DDI2: variants seen among roughly 807,000 people sequenced by gnomAD.
DDI2 encodes the protein DDI proteasomal shuttling factor 2.
DDI2 carries 5 observed loss-of-function variants against 48.1 expected under a neutral mutation model. The ratio of observed to expected loss-of-function variants is 0.10; its 90% CI spans 0.05 to 0.22. The LOEUF (loss-of-function observed/expected upper bound fraction) is 0.22, where lower values mean the gene tolerates loss of function less well. Ranked by LOEUF, DDI2 falls within the 10% of genes least tolerant of loss-of-function variation. DDI2 has a pLI of 1.00. For synonymous variants in DDI2, 205 were observed against 183.6 expected (o/e 1.12, Z -0.94); for missense variants, 285 against 506.2 (o/e 0.56, Z 4.19).
intron 1 of DDI2, among the ~76,000 whole-genome samples, chr1:15,619,685 T>G (rs976998221): frequency 3.6e-4 from 54 of 150,318 alleles, no homozygotes; most frequent in African/African-American, 1.3e-3. Flanking sequence ...ATGGTCTCGA[T>G]CTCCTGACCT....
In DDI2 at chr1:15,665,632, T is replaced by C. The variant is rs986354658; in HGVS notation, c.*5842T>C. ...ATATACATATGGTGATTGACAAGTA[T>C]AGTTAATTTTATATGGATTTAAAAG... On this transcript the variant is annotated 3_prime_UTR_variant, in exon 10 of 10. Transcript: ENST00000480945. The C allele has an allele frequency of 1.7e-4, 26 of 152,314 alleles. No homozygotes were observed. The highest frequency in any genetic ancestry group is 6.3e-4 in the African/African-American group (26 of 41,564). The allele number at this position is 152,314 out of a possible 1,614,324, so 9.4% of individuals were successfully genotyped here.
At position 15,638,388 on chromosome 1, in the gene DDI2, T is replaced by C; in HGVS notation, c.714T>C (p.Ile238=). Residue 238 remains isoleucine, a synonymous_variant, in exon 5 of 10, where the codon ATT becomes ATC. Coordinates refer to ENST00000480945, the MANE Select transcript of DDI2 (RefSeq NM_032341.5). The part of the protein sequence containing the change: ...ESFGQVVMLY[I]NCKVNGHPVK... Reference sequence around the variant, plus strand: ...TTGGCCAAGTAGTGATGCTTTATATTAACTGCAAAGTGAATGGACATCCTG... The same window carrying C: ...TTGGCCAAGTAGTGATGCTTTATATCAACTGCAAAGTGAATGGACATCCTG... 1.2e-6 allele frequency: 2 copies of C among 1,614,046 alleles called. No individual in the cohort carries two copies. The highest frequency in any genetic ancestry group is 1.7e-6 in the Non-Finnish European group (2 of 1,179,964).
intron 4 of DDI2, among the ~76,000 whole-genome samples, chr1:15,635,667 A>AGGGCTGGGATTACAC (rs1639917313): frequency 6.6e-6 from 1 of 152,058 alleles, no homozygotes; most frequent in Non-Finnish European, 1.5e-5. Context: ...ATCCTCCCAA[A>AGGGCTGGGATTACAC]GGGCTGGGAT....
At chr1:15,631,065 G>A (rs12081650) in intron 3 of DDI2, among the ~76,000 whole-genome samples, 4,777 of 152,190 alleles carry the variant, frequency 0.031, 251 homozygotes, top group African/African-American at 0.11. Flanking sequence ...GGATGGTCTC[G>A]ATCTCCTGAC....
chr1:15,620,913 T>C (rs1253731239), intron 1 of DDI2, among the ~76,000 whole-genome samples: 1 of 152,256 alleles, frequency 6.6e-6, no homozygotes, highest in East Asian at 1.9e-4. Context: ...TTGTCTTGCA[T>C]GGCTGCCCTA....
chr1:15,629,379 T>C (rs996415743), intron 2 of DDI2, among the ~76,000 whole-genome samples: 2 of 152,234 alleles, frequency 1.3e-5, no homozygotes, highest in South Asian at 4.1e-4. Flanking sequence ...GTGGATCACC[T>C]GAGGTCAGGA....
chr1:15,630,687 G>A, intron 3 of DDI2, 126 bp downstream of exon 3: 1 of 700,516 alleles, frequency 1.4e-6, no homozygotes, highest in Non-Finnish European at 2.5e-6. Context: ...TTTTTTCTCT[G>A]TGAGAGGTAA....
At chr1:15,658,533 C>T (rs557986015) in intron 9 of DDI2, among the ~76,000 whole-genome samples, 7 of 150,960 alleles carry the variant, frequency 4.6e-5, no homozygotes, top group African/African-American at 9.7e-5. Context: ...GAGGCTGAGG[C>T]GGGCGGATCA....
At chr1:15,619,805 A>G (rs1639629188) in intron 1 of DDI2, among the ~76,000 whole-genome samples, 1 of 152,106 alleles carries the variant, frequency 6.6e-6, no homozygotes. Flanking sequence ...CCTGGTTATG[A>G]TCACCGGCTG....
chr1:15,660,452 A>T lies in DDI2; in HGVS notation c.*662A>T, dbSNP rs367863636. On this transcript the variant is annotated 3_prime_UTR_variant, in exon 10 of 10. Transcript: ENST00000480945. Reference sequence around the variant, plus strand: ...CAAGAATATCTTTGTAACATAGGGGACCTTGAGCTTCCTGAAGAAAGGCAA... The same window carrying T: ...CAAGAATATCTTTGTAACATAGGGGTCCTTGAGCTTCCTGAAGAAAGGCAA... 1.9e-6 allele frequency: 3 copies of T among 1,614,016 alleles called. No individual in the cohort carries two copies. In the African/African-American group the frequency reaches 4.0e-5, roughly 22 times the overall value.
At chr1:15,635,504 C>CA (rs1639914252) in intron 4 of DDI2, among the ~76,000 whole-genome samples, 1 of 152,182 alleles carries the variant, frequency 6.6e-6, no homozygotes, top group Non-Finnish European at 1.5e-5. Context: ...CTCCCAAGTT[C>CA]AAGCGATTCT....
At position 15,665,324 on chromosome 1, in the gene DDI2, G is replaced by C. The variant is rs890534357; in HGVS notation, c.*5534G>C. ...AAAGGAAGCTGGAGAGATGGCGAGT[G>C]CATGTGTTAAAACTCTTCTGCCTTG... On this transcript the variant is annotated 3_prime_UTR_variant, in exon 10 of 10. Transcript: ENST00000480945. 1 of 151,692 alleles carries C rather than the reference G, an allele frequency of 6.6e-6. No homozygotes were observed. Among genetic ancestry groups the C allele is most frequent in the Non-Finnish European group, 1.5e-5 (1 of 68,244 alleles). 9.4% of individuals were successfully genotyped at this position (151,692 alleles called of 1,614,324 possible).
Position 15,661,961 on chromosome 1 carries a change from T to G in DDI2, c.*2171T>G. 4.3e-6 allele frequency: 2 copies of G among 465,522 alleles called. No homozygotes were observed. Among genetic ancestry groups the G allele is most frequent in the Non-Finnish European group, 7.2e-6 (2 of 276,458 alleles). The allele number at this position is 465,522 out of a possible 1,614,324, so 28.8% of individuals were successfully genotyped here. On this transcript the variant is annotated 3_prime_UTR_variant, in exon 10 of 10. Transcript: ENST00000480945. Reference sequence around the variant, plus strand: ...TAGGCCTTTTTAAATGTATTGGCAGTATGTGCATACAGAAGCTTTTTATTC... The same window carrying G: ...TAGGCCTTTTTAAATGTATTGGCAGGATGTGCATACAGAAGCTTTTTATTC...
chr1:15,638,201 G>A, intron 4 of DDI2, 106 bp from the exon 5 acceptor site: 1 of 1,529,424 alleles, frequency 6.5e-7, no homozygotes, highest in Admixed American at 1.9e-5. Flanking sequence ...TGCTGTGCTT[G>A]GGGCAAAAGA....
rs1286107751 is a variant in DDI2 at position 15,668,548 on chromosome 1, A to G, written c.*8758A>G. The G allele has an allele frequency of 2.0e-5, 3 of 152,226 alleles. No homozygotes were observed. The highest frequency in any genetic ancestry group is 2.9e-5 in the Non-Finnish European group (2 of 68,042). 9.4% of individuals were successfully genotyped at this position (152,226 alleles called of 1,614,324 possible). ...GGCTAATGGACTTTGCACTCAAGAA[A>G]GGTTTGTTTACCAGTTTTGTAGCCA... On this transcript the variant is annotated 3_prime_UTR_variant, in exon 10 of 10. Transcript: ENST00000480945.
chr1:15,640,070 T>A (rs971536915), intron 5 of DDI2, among the ~76,000 whole-genome samples: 125 of 151,094 alleles, frequency 8.3e-4, no homozygotes, highest in African/African-American at 2.9e-3. Flanking sequence ...CCTGGGAGTT[T>A]AAAAAAAAAC....
chr1:15,649,276 TC>T (rs1216921463), intron 6 of DDI2, among the ~76,000 whole-genome samples: 1 of 152,056 alleles, frequency 6.6e-6, no homozygotes, highest in East Asian at 1.9e-4. Context: ...AGGCAGAGAA[TC>T]AGAGAACACA....
chr1:15,618,269 T>TC (rs1484018839), intron 1 of DDI2, among the ~76,000 whole-genome samples: 2 of 151,454 alleles, frequency 1.3e-5, no homozygotes, highest in African/African-American at 2.4e-5. Flanking sequence ...TTTTTTTTTT[T>TC]CTGGAGAGGG....
rs1639579641 is a variant in DDI2 at position 15,617,470 on chromosome 1, A to G, written c.-201A>G. 4 of 340,304 alleles carry G rather than the reference A, an allele frequency of 1.2e-5. No individual in the cohort carries two copies. The highest frequency in any genetic ancestry group is 4.8e-5 in the East Asian group (1 of 20,954). The allele number at this position is 340,304 out of a possible 1,614,324, so 21.1% of individuals were successfully genotyped here. A position where few individuals can be genotyped will look rare whatever the true frequency, so the allele number is the denominator to read the frequency against. ...CAGGCCGGCAGGCAGACGGACTCGC[A>G]GGCGTGTGGCGGCGGCCGTGCTTGC... On this transcript the variant is annotated 5_prime_UTR_variant, in exon 1 of 10. Transcript: ENST00000480945.
Sources: allele counts gnomAD v4.1 joint callset (sites outside exome capture counted in the v4.1 genomes callset), GRCh38; gene constraint gnomAD v4.1.1; transcripts MANE v1.5; gene names NCBI Gene and HGNC (gene_info 2026-07-23, HGNC 2026-07-21).